Variants in NUP153 observed in about 807,000 individuals in gnomAD.
The protein encoded by NUP153 is nuclear pore complex protein Nup153.
Under a neutral mutation model 134.6 loss-of-function variants are expected in NUP153, and 27 were observed. The observed-to-expected ratio is 0.20, with a 90% CI of 0.15 to 0.28. NUP153 has a LOEUF of 0.28. Ranked by LOEUF, NUP153 falls within the 10% of genes least tolerant of loss-of-function variation. The pLI is 1.00. For synonymous variants in NUP153, 640 were observed against 623.5 expected (o/e 1.03, Z -0.40); for missense variants, 1,821 against 1,731.3 (o/e 1.05, Z -0.92).
intron 1 of NUP153, among the ~76,000 whole-genome samples, chr6:17,705,590 G>A (rs900894561): frequency 1.3e-5 from 2 of 150,226 alleles, no homozygotes; most frequent in Non-Finnish European, 3.0e-5. Context: ...GGTGTTGGGG[G>A]GGGGGAGGGG....
At position 17,626,021 on chromosome 6, in the gene NUP153, G is replaced by GTCCAAACAC; in HGVS notation, c.3679_3687dup (p.Val1227_Gly1229dup). 6.2e-7 allele frequency: 1 copy of GTCCAAACAC among 1,614,200 alleles called. No homozygotes were observed. The highest frequency in any genetic ancestry group is 8.5e-7 in the Non-Finnish European group (1 of 1,180,034). On this transcript the variant is annotated inframe_insertion, in exon 19 of 22. Transcript: ENST00000262077. ...GAGCTGCTCACAGGATTGCTGGACT[G>GTCCAAACAC]TCCAAACACAAAGGTAGCCACAGGT...
intron 2 of NUP153, among the ~76,000 whole-genome samples, chr6:17,682,683 C>A (rs376815098): frequency 1.3e-5 from 2 of 152,122 alleles, no homozygotes; most frequent in Admixed American, 1.3e-4. Context: ...CTTCGGGAGG[C>A]TGAGGGGTGC....
At chr6:17,665,860 GT>G (rs956575430) in intron 8 of NUP153, among the ~76,000 whole-genome samples, 7 of 149,982 alleles carry the variant, frequency 4.7e-5, no homozygotes, top group Admixed American at 3.3e-4. Flanking sequence ...AATTTTTTTG[GT>G]TTTTTTTTGT....
intron 2 of NUP153, among the ~76,000 whole-genome samples, chr6:17,677,426 G>C (rs1404469705): frequency 6.6e-6 from 1 of 151,934 alleles, no homozygotes; most frequent in African/African-American, 2.4e-5. Context: ...TAGGGGGTGG[G>C]GGAGAGTAGG....
rs1284003778 is a variant in NUP153 at position 17,638,630 on chromosome 6, ATTTC to A, written c.1847-864_1847-861del. On this transcript the variant is annotated intron_variant, in intron 15 of 21. Transcript: ENST00000262077. This position sits in a 1 kb window ranked among gnomAD's most constrained non-coding sequence, Gnocchi z 4.0. ...CAGTAACCATCTCAAGGCATTACAGATTTCTTTTTCTTCTACTTTTTCAGATTTT... is the reference window on the plus strand; with the variant it reads ...CAGTAACCATCTCAAGGCATTACAGATTTTTCTTCTACTTTTTCAGATTTT... Among the ~76,000 whole-genome samples the A allele has an allele frequency of 6.6e-6, 1 of 152,194 alleles. No homozygotes were observed. The highest frequency in any genetic ancestry group is 1.9e-4 in the East Asian group (1 of 5,198).
At position 17,649,269 on chromosome 6, in the gene NUP153, G is replaced by A; in HGVS notation, c.1427C>T (p.Ser476Phe). 4 of 1,613,450 alleles carry A rather than the reference G, an allele frequency of 2.5e-6. No individual in the cohort carries two copies. Among genetic ancestry groups the A allele is most frequent in the Non-Finnish European group, 3.4e-6 (4 of 1,179,794 alleles). The change falls in exon 12 of 22, where the codon TCT becomes TTT. Residue 476 changes from serine (S) to phenylalanine (F), a missense_variant. By Grantham distance (155) the Ser-to-Phe change is radical. Coordinates refer to ENST00000262077, the MANE Select transcript of NUP153 (RefSeq NM_005124.4). ...EMEVPVLPKI[S>F]LPITSSSLPT... The stretch of plus-strand genomic sequence containing the variant: ...CAGTGAAGAACTGGTGATCGGTAGA[G>A]AGATTTTCGGTAATACTGGAACTTC...
chr6:17,665,242 G>C lies in NUP153; in HGVS notation c.1212C>G (p.Cys404Trp), dbSNP rs1010547717. Residue 404 changes from cysteine to tryptophan, a missense_variant, in exon 9 of 22, where the codon TGC (cysteine) becomes TGG (tryptophan). Transcript: ENST00000262077. Reference sequence around the variant, plus strand: ...GTAGAAATATACATATACTCACACTGCACTTGTTATCTATTCTTTGATTAG... The same window carrying C: ...GTAGAAATATACATATACTCACACTCCACTTGTTATCTATTCTTTGATTAG... The part of the protein sequence containing the change: ...RKTNQRIDNK[C>W]STGYEKNMTP... The C allele has an allele frequency of 1.9e-6, 3 of 1,599,766 alleles. No individual in the cohort carries two copies. The highest frequency in any genetic ancestry group is 2.7e-5 in the African/African-American group (2 of 74,562).
At chr6:17,665,466 T>A in intron 8 of NUP153, 81 bp from the exon 9 acceptor site, 1 of 1,095,462 alleles carries the variant, frequency 9.1e-7, no homozygotes, top group Non-Finnish European at 1.3e-6. Flanking sequence ...ATAGCTAACA[T>A]GACCTAAAGA....
rs754300916 is a variant in NUP153 at position 17,625,764 on chromosome 6, A to C, written c.3901+44T>G. 3 of 1,419,248 alleles carry C rather than the reference A, an allele frequency of 2.1e-6. No homozygotes were observed. 87.9% of individuals were successfully genotyped at this position (1,419,248 alleles called of 1,614,324 possible). ...GCTAAGAACTGACACACTAATAAGT[A>C]AAGTCCATCCAATTACAATGCATTT... On this transcript the variant is annotated intron_variant, in intron 19 of 21. Coordinates refer to ENST00000262077, the MANE Select transcript of NUP153 (RefSeq NM_005124.4). This position sits in a 1 kb window ranked among gnomAD's most constrained non-coding sequence, Gnocchi z 4.7.
intron 9 of NUP153, among the ~76,000 whole-genome samples, chr6:17,662,655 A>C (rs1411869641): frequency 6.6e-6 from 1 of 152,208 alleles, no homozygotes; most frequent in African/African-American, 2.4e-5. Context: ...TCATTACGAA[A>C]GGTAAAATAG....
At chr6:17,640,932 C>T (rs750971420) in intron 14 of NUP153, among the ~76,000 whole-genome samples, 1 of 152,066 alleles carries the variant, frequency 6.6e-6, no homozygotes, top group Non-Finnish European at 1.5e-5. Flanking sequence ...CCACAAAAAT[C>T]ATTCTTAAAA....
At chr6:17,684,291 T>C (rs924902123) in intron 2 of NUP153, among the ~76,000 whole-genome samples, 12 of 152,246 alleles carry the variant, frequency 7.9e-5, no homozygotes, top group African/African-American at 2.2e-4. Context: ...GGATAACTTA[T>C]TGCAGCTCCT....
chr6:17,624,460 A>C, intron 20 of NUP153, 101 bp downstream of exon 20: 1 of 1,130,872 alleles, frequency 8.8e-7, no homozygotes, highest in Non-Finnish European at 1.3e-6. Flanking sequence ...TACAAGAGAT[A>C]ATTTTAAAAT....
intron 20 of NUP153, among the ~76,000 whole-genome samples, chr6:17,619,041 G>A (rs552042784): frequency 1.3e-5 from 2 of 152,124 alleles, no homozygotes; most frequent in African/African-American, 4.8e-5. Context: ...CTACACAAAC[G>A]ATAAAAACAA....
chr6:17,675,181 TA>T lies in NUP153; in HGVS notation c.723+47del. On this transcript the variant is annotated intron_variant, in intron 4 of 21. Coordinates refer to ENST00000262077, the MANE Select transcript of NUP153 (RefSeq NM_005124.4). This position sits in a 1 kb window ranked among gnomAD's most constrained non-coding sequence, Gnocchi z 4.4. ...AAAAAAAAAAAAAAATTATAAGCAA[TA>T]AACACTCAAAACTAATGTGATTAAA... 6.3e-7 allele frequency: 1 copy of T among 1,575,244 alleles called. No individual in the cohort carries two copies. The highest frequency in any genetic ancestry group is 8.6e-7 in the Non-Finnish European group (1 of 1,159,678).
intron 16 of NUP153, 140 bp from the exon 17 acceptor site, chr6:17,632,984 C>T: frequency 1.7e-6 from 1 of 591,212 alleles, no homozygotes; most frequent in Non-Finnish European, 2.8e-6. Flanking sequence ...CAGAATGTGC[C>T]AGAAATAGAC....
chr6:17,633,341 T>A (rs976539627), intron 16 of NUP153, among the ~76,000 whole-genome samples: 14 of 152,256 alleles, frequency 9.2e-5, no homozygotes, highest in Non-Finnish European at 1.8e-4. Flanking sequence ...TGCCTCTGAA[T>A]GATAGCTTTT....
intron 11 of NUP153, among the ~76,000 whole-genome samples, chr6:17,654,203 C>T (rs1581709510): frequency 1.3e-5 from 2 of 152,190 alleles, no homozygotes; most frequent in South Asian, 4.1e-4. Context: ...AGCTTCTCTT[C>T]TCTGTCCAAC....
In NUP153 at chr6:17,706,148, G is replaced by C. The variant is rs1770477802; in HGVS notation, c.111+129C>G. 3 of 728,648 alleles carry C rather than the reference G, an allele frequency of 4.1e-6. No homozygotes were observed. Among genetic ancestry groups the C allele is most frequent in the African/African-American group, 1.8e-5 (1 of 56,062 alleles). 45.1% of individuals were successfully genotyped at this position (728,648 alleles called of 1,614,324 possible). ...ACCCCCAACGGCCTGAGCTCCCCCG[G>C]AGCCTCACTCGGGCCTTTCCTCAGG... On this transcript the variant is annotated intron_variant, in intron 1 of 21. Coordinates refer to ENST00000262077, the MANE Select transcript of NUP153 (RefSeq NM_005124.4). The surrounding 1 kb of genome is among the most constrained non-coding windows in gnomAD (Gnocchi z 5.9).
Sources: allele counts gnomAD v4.1 joint callset (sites outside exome capture counted in the v4.1 genomes callset), GRCh38; gene constraint gnomAD v4.1.1; non-coding constraint Gnocchi (gnomAD v3.1); transcripts MANE v1.5; gene names NCBI Gene and HGNC (gene_info 2026-07-23, HGNC 2026-07-21).